WDR19: variants seen among roughly 807,000 people sequenced by gnomAD.
WDR19 encodes WD repeat domain 19.
A neutral mutation model predicts 180.0 loss-of-function variants in WDR19; 121 were observed. That is an observed-to-expected ratio of 0.67 (90% CI 0.58 to 0.78). WDR19 has a LOEUF of 0.78. WDR19 is among the 30% of genes least tolerant of loss of function. The pLI, the probability that WDR19 is intolerant of heterozygous loss-of-function variation, is 0.00. For missense variants in WDR19, 1,450 were observed against 1,640.7 expected (o/e 0.88, Z 2.01); for synonymous variants, 497 against 540.7 (o/e 0.92, Z 1.12).
chr4:39,273,691 A>G (rs1162552124), intron 32 of WDR19: 1 of 152,244 alleles, frequency 6.6e-6, no homozygotes, highest in Non-Finnish European at 1.5e-5. Context: ...AGCCTTTCCA[A>G]GGATGACAGT....
chr4:39,215,872 C>A lies in WDR19; in HGVS notation c.993C>A (p.Gly331=), dbSNP rs1240256902. Residue 331 remains glycine (G), a synonymous_variant, in exon 11 of 37, where the codon GGC becomes GGA. Coordinates refer to ENST00000399820, the MANE Select transcript of WDR19 (RefSeq NM_025132.4). The part of the protein sequence containing the change: ...GLGTLSWTDD[G]QLLALSTQRG... ...GTACCTTGTCCTGGACTGATGATGG[C>A]CAGTTGCTAGCACTCTCTACCCAAA... 2 of 1,613,486 alleles carry A rather than the reference C, an allele frequency of 1.2e-6. No homozygotes were observed. The highest frequency in any genetic ancestry group is 1.7e-6 in the Non-Finnish European group (2 of 1,179,666).
At chr4:39,188,237 G>A (rs1280650066) in intron 3 of WDR19, among the ~76,000 whole-genome samples, 1 of 151,498 alleles carries the variant, frequency 6.6e-6, no homozygotes, top group Non-Finnish European at 1.5e-5. Flanking sequence ...TTAATACCAA[G>A]ATGAAAAATA....
chr4:39,204,154 C>T (rs1479900628), intron 7 of WDR19, among the ~76,000 whole-genome samples: 2 of 151,420 alleles, frequency 1.3e-5, no homozygotes, highest in Non-Finnish European at 2.9e-5. Flanking sequence ...GGTGCAATCT[C>T]AGCTCACCGC....
At chr4:39,212,674 G>T (rs897571258) in intron 9 of WDR19, among the ~76,000 whole-genome samples, 2 of 152,246 alleles carry the variant, frequency 1.3e-5, no homozygotes, top group Non-Finnish European at 1.5e-5. Flanking sequence ...GCTGCAAAAT[G>T]AGAAAATATT....
chr4:39,194,695 G>A, intron 5 of WDR19, 36 bp downstream of exon 5: 1 of 1,464,904 alleles, frequency 6.8e-7, no homozygotes, highest in Non-Finnish European at 9.5e-7. Flanking sequence ...AAATATTTGA[G>A]ATGCTCTACC....
At position 39,261,554 on chromosome 4, in the gene WDR19, G is replaced by T. The variant is rs545705500; in HGVS notation, c.3183+4000G>T. ...TGTCCATTGCAGGTTTAATCAACTGGTGGCCACAGGGATGGAATATCATGC... is the reference window on the plus strand; with the variant it reads ...TGTCCATTGCAGGTTTAATCAACTGTTGGCCACAGGGATGGAATATCATGC... On this transcript the variant is annotated intron_variant, in intron 28 of 36. Coordinates refer to ENST00000399820, the MANE Select transcript of WDR19 (RefSeq NM_025132.4). Among the ~76,000 whole-genome samples, 83 of 152,326 alleles carry T rather than the reference G, an allele frequency of 5.4e-4. 1 individual carries two copies. The highest frequency in any genetic ancestry group is 3.9e-3 in the Admixed American group (59 of 15,296).
chr4:39,245,480 A>G (rs377371064), intron 24 of WDR19, 28 bp downstream of exon 24: 6 of 1,593,048 alleles, frequency 3.8e-6, no homozygotes, highest in Non-Finnish European at 4.3e-6. Flanking sequence ...AATTTATACC[A>G]ATTTAAAGTA....
chr4:39,247,898 G>A (rs552542661), intron 24 of WDR19, among the ~76,000 whole-genome samples: 4 of 152,222 alleles, frequency 2.6e-5, no homozygotes, highest in East Asian at 3.9e-4. Context: ...TGAAAGTGAC[G>A]GGGAGAATGG....
chr4:39,234,925 A>G (rs1731231929), intron 20 of WDR19, 50 bp downstream of exon 20: 1 of 1,183,014 alleles, frequency 8.5e-7, no homozygotes, highest in Non-Finnish European at 1.2e-6. Context: ...GACTGCAAAT[A>G]TCTTCAGTTC....
At chr4:39,186,150 C>A (rs7683940) in intron 2 of WDR19, among the ~76,000 whole-genome samples, 4,395 of 152,134 alleles carry the variant, frequency 0.029, 214 homozygotes, top group African/African-American at 0.1. Context: ...ACACTGAAAT[C>A]ATTTGGATGG....
chr4:39,199,528 C>G lies in WDR19; in HGVS notation c.457C>G (p.Leu153Val). 1 of 1,613,288 alleles carries G rather than the reference C, an allele frequency of 6.2e-7. No individual in the cohort carries two copies. The highest frequency in any genetic ancestry group is 8.5e-7 in the Non-Finnish European group (1 of 1,179,674). Residue 153 changes from leucine (L) to valine (V), a missense_variant, in exon 6 of 37, where the codon CTT becomes GTT. By Grantham distance (32) the Leu-to-Val change is conservative. Coordinates refer to ENST00000399820, the MANE Select transcript of WDR19 (RefSeq NM_025132.4). ...TGGATGTTGGAATGCAGAAAATCTG[C>G]TTGCTTTAGGTGGTGAAGATAAAAT... ...TCGCWNAENL[L>V]ALGGEDKMIT...
At chr4:39,243,668 C>T (rs1732202932) in intron 21 of WDR19, among the ~76,000 whole-genome samples, 1 of 152,156 alleles carries the variant, frequency 6.6e-6, no homozygotes, top group East Asian at 1.9e-4. Flanking sequence ...TTCAAATGCC[C>T]AGTAGCTACC....
At position 39,266,137 on chromosome 4, in the gene WDR19, T is replaced by G. The variant is rs1336512404; in HGVS notation, c.3258T>G (p.Pro1086=). 6.4e-7 allele frequency: 1 copy of G among 1,561,174 alleles called. No individual in the cohort carries two copies. The highest frequency in any genetic ancestry group is 1.4e-5 in the African/African-American group (1 of 73,574). ...DHLLGENDGM[P]KDAKYLFRLY... ...TCCTGGGGGAGAACGATGGCATGCC[T>G]AAGGTACTGAACACGTGGGCTTCGT... Residue 1086 remains proline, a synonymous_variant, in exon 29 of 37, where the codon CCT becomes CCG. Coordinates refer to ENST00000399820, the MANE Select transcript of WDR19 (RefSeq NM_025132.4).
chr4:39,192,005 A>G (rs958355330), intron 4 of WDR19, among the ~76,000 whole-genome samples: 1 of 152,226 alleles, frequency 6.6e-6, no homozygotes, highest in African/African-American at 2.4e-5. Flanking sequence ...TACGGGCCTT[A>G]TATCCTAAGA....
chr4:39,226,377 G>C (rs1414330378), intron 15 of WDR19, among the ~76,000 whole-genome samples: 1 of 152,188 alleles, frequency 6.6e-6, no homozygotes, highest in African/African-American at 2.4e-5. Flanking sequence ...GACAGTTCTA[G>C]TACCTACTTT....
chr4:39,218,131 A>G (rs561873084), intron 14 of WDR19, 26 bp downstream of exon 14: 3 of 1,574,262 alleles, frequency 1.9e-6, no homozygotes, highest in Non-Finnish European at 2.6e-6. Context: ...TTTTTTAGAG[A>G]ACACTGGGAA....
chr4:39,233,383 T>C (rs1731077558), intron 19 of WDR19, among the ~76,000 whole-genome samples: 1 of 152,190 alleles, frequency 6.6e-6, no homozygotes, highest in South Asian at 2.1e-4. Context: ...AGCTTGGACA[T>C]GTTATTTAAC....
chr4:39,184,680 C>T (rs902948409), intron 1 of WDR19, among the ~76,000 whole-genome samples: 2 of 152,026 alleles, frequency 1.3e-5, no homozygotes, highest in Non-Finnish European at 2.9e-5. Flanking sequence ...GTTGGCCAGG[C>T]GGTGTTTAAT....
intron 4 of WDR19, among the ~76,000 whole-genome samples, chr4:39,190,154 C>T (rs149730769): frequency 1.4e-4 from 21 of 152,276 alleles, no homozygotes; most frequent in African/African-American, 5.1e-4. Flanking sequence ...TATTCTAAAT[C>T]AGATTCTCAC....
Sources: allele counts gnomAD v4.1 joint callset (sites outside exome capture counted in the v4.1 genomes callset), GRCh38; gene constraint gnomAD v4.1.1; transcripts MANE v1.5; gene names NCBI Gene and HGNC (gene_info 2026-07-23, HGNC 2026-07-21).